Variants in SLC25A26 observed in about 807,000 individuals in gnomAD.
SLC25A26 encodes the protein mitochondrial S-adenosylmethionine carrier protein.
A neutral mutation model predicts 37.8 loss-of-function variants in SLC25A26; 36 were observed. The observed-to-expected ratio is 0.95, with a 90% CI of 0.73 to 1.26. The LOEUF is 1.26. Among genes scored for constraint, SLC25A26 ranks in the 50% most tolerant of loss-of-function variants. The probability of loss-of-function intolerance (pLI) is 0.00; values close to 1 mark genes in which losing one functional copy is unlikely to be tolerated. For missense variants in SLC25A26, 390 were observed against 331.1 expected, an observed-to-expected ratio of 1.18 and a Z score of -1.38; for synonymous variants, 129 against 122.5, an observed-to-expected ratio of 1.05 and a Z score of -0.35.
At chr3:66,180,331 C>T (rs2070677398) in intron 1 of SLC25A26, among the ~76,000 whole-genome samples, 1 of 152,196 alleles carries the variant, frequency 6.6e-6, no homozygotes, top group South Asian at 2.1e-4. Context: ...ACCCCTACCA[C>T]ATGGGAACCA....
intron 6 of SLC25A26, among the ~76,000 whole-genome samples, chr3:66,357,399 A>G (rs995630970): frequency 1.3e-5 from 2 of 152,198 alleles, no homozygotes; most frequent in African/African-American, 4.8e-5. Flanking sequence ...GGGTAACAGA[A>G]CAAGATCCTG....
intron 7 of SLC25A26, among the ~76,000 whole-genome samples, chr3:66,367,084 G>A (rs111416693): frequency 1.3e-5 from 2 of 152,138 alleles, no homozygotes; most frequent in African/African-American, 2.4e-5. Context: ...CCGATTAAGC[G>A]TTTTCGAGTG....
chr3:66,290,210 T>G (rs1051705296), intron 5 of SLC25A26, among the ~76,000 whole-genome samples: 1 of 152,214 alleles, frequency 6.6e-6, no homozygotes, highest in African/African-American at 2.4e-5. Flanking sequence ...TAAGGAGATT[T>G]TGGGCAGAGT....
chr3:66,209,922 A>G (rs1225006865), intron 1 of SLC25A26, among the ~76,000 whole-genome samples: 1 of 68,298 alleles, frequency 1.5e-5, no homozygotes, highest in Admixed American at 1.6e-4. Context: ...ATATATATAT[A>G]TATATATATA....
chr3:66,249,552 C>G (rs561362083), intron 3 of SLC25A26, among the ~76,000 whole-genome samples: 2 of 152,340 alleles, frequency 1.3e-5, no homozygotes, highest in South Asian at 4.1e-4. Context: ...TCTTCATGAT[C>G]TTCACTGGCC....
chr3:66,319,920 A>AT (rs1255702547), intron 5 of SLC25A26, among the ~76,000 whole-genome samples: 2 of 151,726 alleles, frequency 1.3e-5, no homozygotes, highest in Non-Finnish European at 2.9e-5. Context: ...CGCCTGGCTA[A>AT]TTTTTTAGTA....
At chr3:66,253,026 C>CT (rs781783092) in intron 3 of SLC25A26, among the ~76,000 whole-genome samples, 2 of 80,876 alleles carry the variant, frequency 2.5e-5, no homozygotes, top group South Asian at 2.9e-4. Context: ...AAATAATGCC[C>CT]CCCCCCCCCC....
intron 3 of SLC25A26, among the ~76,000 whole-genome samples, chr3:66,245,810 A>G (rs1001556778): frequency 6.6e-6 from 1 of 152,242 alleles, no homozygotes; most frequent in African/African-American, 2.4e-5. Flanking sequence ...AACCAGCTTT[A>G]TTGAGATACA....
chr3:66,169,218 T>TTA (rs1248656527), intron 1 of SLC25A26, among the ~76,000 whole-genome samples: 6 of 152,250 alleles, frequency 3.9e-5, no homozygotes, highest in Admixed American at 3.3e-4. Flanking sequence ...AAAAATCTAT[T>TTA]AAGTACTTAC....
At chr3:66,164,057 A>C (rs1280410921) in intron 1 of SLC25A26, among the ~76,000 whole-genome samples, 1 of 152,222 alleles carries the variant, frequency 6.6e-6, no homozygotes, top group Non-Finnish European at 1.5e-5. Context: ...AGAAACTCTG[A>C]TTTAAACAAT....
chr3:66,319,744 CT>C (rs71105981), intron 5 of SLC25A26, among the ~76,000 whole-genome samples: 1,110 of 92,032 alleles, frequency 0.012, 4 homozygotes, highest in African/African-American at 0.047. Flanking sequence ...GCAATTAAAT[CT>C]TTTTTTTTTT....
chr3:66,228,161 C>T (rs1024098514), intron 1 of SLC25A26, among the ~76,000 whole-genome samples: 2 of 152,160 alleles, frequency 1.3e-5, no homozygotes, highest in East Asian at 1.9e-4. Context: ...TTGCTCAGCC[C>T]GTGGAGCATG....
At chr3:66,371,291 C>G (rs1195022693) in intron 9 of SLC25A26, 1 of 1,549,928 alleles carries the variant, frequency 6.5e-7, no homozygotes, top group Non-Finnish European at 8.7e-7. Context: ...CTTCGGGCGT[C>G]TCAGCTGGCA....
intron 6 of SLC25A26, among the ~76,000 whole-genome samples, chr3:66,360,791 T>C (rs944034387): frequency 3.3e-5 from 5 of 152,204 alleles, no homozygotes; most frequent in Non-Finnish European, 7.3e-5. Flanking sequence ...GCCATGCCTG[T>C]GAGAAGAAAA....
chr3:66,160,458 T>C (rs2070342331), intron 1 of SLC25A26, among the ~76,000 whole-genome samples: 1 of 152,246 alleles, frequency 6.6e-6, no homozygotes, highest in South Asian at 2.1e-4. Flanking sequence ...TAAAATAAAG[T>C]TCTGCTCAAG....
chr3:66,220,589 T>G (rs951521103), upstream of SLC25A26, among the ~76,000 whole-genome samples: 17 of 152,220 alleles, frequency 1.1e-4, no homozygotes, highest in African/African-American at 4.1e-4. Flanking sequence ...AATGAGTTAA[T>G]TTAATATAAA....
intron 1 of SLC25A26, among the ~76,000 whole-genome samples, chr3:66,137,244 G>A (rs1219999245): frequency 7.0e-6 from 1 of 143,004 alleles, no homozygotes; most frequent in African/African-American, 2.6e-5. Flanking sequence ...TTTTGAGATG[G>A]AGTTTTGCTC....
chr3:66,313,664 A>G (rs529104081), intron 5 of SLC25A26, among the ~76,000 whole-genome samples: 3 of 152,192 alleles, frequency 2.0e-5, no homozygotes, highest in East Asian at 1.9e-4. Flanking sequence ...AAGAATGTTA[A>G]TGGTAGTTTA....
At position 66,244,250 on chromosome 3, in the gene SLC25A26, A is replaced by C. The variant is rs552144945; in HGVS notation, c.300+938A>C. ...AGGCAAAAAACAAAGAGACCAGTGC[A>C]CAATGATACTGGAACAGTTCTTTCA... On this transcript the variant is annotated intron_variant, in intron 3 of 9. Transcript: ENST00000354883. Among the ~76,000 whole-genome samples the C allele has an allele frequency of 3.9e-5, 6 of 152,372 alleles. No individual in the cohort carries two copies. In the South Asian group the frequency reaches 1.2e-3, roughly 32 times the overall value.
Sources: gnomAD v4.1 joint callset for allele counts (sites outside exome capture counted in the v4.1 genomes callset) on GRCh38, gnomAD v4.1.1 for gene constraint, MANE v1.5 for transcripts, NCBI Gene and HGNC (gene_info 2026-07-23, HGNC 2026-07-21) for gene names.